The following TRPV1 variants were observed in gnomAD, a reference collection of about 807,000 sequenced individuals.
TRPV1 encodes the protein OTRPC1.
A neutral mutation model predicts 82.3 loss-of-function variants in TRPV1; 82 were observed. The ratio of observed to expected loss-of-function variants is 1.00; its 90% CI spans 0.83 to 1.20. TRPV1 has a LOEUF of 1.20. TRPV1 is among the 50% of genes most tolerant of loss of function. The pLI is 0.00. For missense variants in TRPV1, 1,067 were observed against 1,096.8 expected (o/e 0.97, Z 0.38); for synonymous variants, 515 against 467.7 (o/e 1.10, Z -1.30).
At chr17:3,576,870 A>G (rs1215045417) in intron 13 of TRPV1, among the ~76,000 whole-genome samples, 3 of 148,688 alleles carry the variant, frequency 2.0e-5, no homozygotes, top group African/African-American at 4.9e-5. Context: ...AAAAAAAAAA[A>G]GTTGAAAAAA....
intron 10 of TRPV1, among the ~76,000 whole-genome samples, chr17:3,582,171 A>T (rs224532): frequency 1.5e-5 from 2 of 131,420 alleles, no homozygotes; most frequent in Admixed American, 8.0e-5. Context: ...GCCTGGGCGA[A>T]AGAGTGAGAC....
intron 2 of TRPV1, among the ~76,000 whole-genome samples, chr17:3,604,071 T>C (rs575250124): frequency 6.6e-6 from 1 of 152,350 alleles, no homozygotes; most frequent in Admixed American, 6.5e-5. Flanking sequence ...CAACAAATGT[T>C]GAGCCGGGTC....
intron 3 of TRPV1, 95 bp from the exon 4 acceptor site, chr17:3,591,448 G>A: frequency 1.4e-6 from 2 of 1,430,182 alleles, no homozygotes; most frequent in African/African-American, 2.8e-5. Flanking sequence ...AAATCCCAAG[G>A]CAAACCAAAA....
intron 2 of TRPV1, among the ~76,000 whole-genome samples, chr17:3,606,244 G>T (rs1183532151): frequency 6.6e-6 from 1 of 152,216 alleles, no homozygotes; most frequent in Admixed American, 6.5e-5. Flanking sequence ...TTACAGGTGT[G>T]AGGCACTGCA....
chr17:3,602,928 C>A (rs536877515), intron 2 of TRPV1, among the ~76,000 whole-genome samples: 22 of 152,254 alleles, frequency 1.4e-4, no homozygotes, highest in African/African-American at 5.3e-4. Flanking sequence ...TCGAGACCAG[C>A]CTGGCCAACA....
chr17:3,605,062 C>T (rs2075288174), intron 2 of TRPV1, among the ~76,000 whole-genome samples: 1 of 152,180 alleles, frequency 6.6e-6, no homozygotes, highest in Non-Finnish European at 1.5e-5. Context: ...AATGTAAACA[C>T]ATTTACCTAG....
chr17:3,577,263 A>C (rs549533704), intron 12 of TRPV1, 71 bp from the exon 13 acceptor site: 15 of 1,503,182 alleles, frequency 1.0e-5, no homozygotes, highest in African/African-American at 2.8e-5. Context: ...GCCGGGCCGC[A>C]TCGGCCTGGG....
At chr17:3,583,673 A>G (rs224535) in intron 9 of TRPV1, among the ~76,000 whole-genome samples, 46,500 of 152,214 alleles carry the variant, frequency 0.31, 9,136 homozygotes, top group East Asian at 0.77. Flanking sequence ...CCGCCTCCCA[A>G]GCAATGTCCC....
At chr17:3,589,752 T>C in intron 7 of TRPV1, 55 bp downstream of exon 7, 3 of 1,556,178 alleles carry the variant, frequency 1.9e-6, no homozygotes, top group Admixed American at 1.8e-5. Context: ...CAGGCAGTCC[T>C]CTCCCATGCC....
At chr17:3,602,866 A>T (rs2075273448) in intron 2 of TRPV1, among the ~76,000 whole-genome samples, 1 of 152,336 alleles carries the variant, frequency 6.6e-6, no homozygotes, top group East Asian at 1.9e-4. Context: ...TCACGCCCGT[A>T]ATCCCAGCAC....
intron 2 of TRPV1, among the ~76,000 whole-genome samples, chr17:3,594,169 C>A (rs1259590898): frequency 4.6e-4 from 66 of 142,372 alleles, no homozygotes; most frequent in African/African-American, 1.9e-3. Context: ...GCAGCAGCAG[C>A]AGCAGCAGCA....
At chr17:3,597,298 G>A (rs1345304002) in intron 2 of TRPV1, among the ~76,000 whole-genome samples, 1 of 152,232 alleles carries the variant, frequency 6.6e-6, no homozygotes, top group African/African-American at 2.4e-5. Context: ...CTCAGGAAAG[G>A]AGGGCGCTGC....
At chr17:3,577,085 C>T (rs1012722023) in intron 13 of TRPV1, 41 bp downstream of exon 13, 29 of 1,555,602 alleles carry the variant, frequency 1.9e-5, no homozygotes, top group Non-Finnish European at 2.4e-5. Context: ...CTCAGCCAAG[C>T]AGGACCCCTG....
intron 16 of TRPV1, 97 bp from the exon 17 acceptor site, chr17:3,567,084 A>G: frequency 2.1e-6 from 3 of 1,400,812 alleles, no homozygotes; most frequent in Non-Finnish European, 2.9e-6. Flanking sequence ...CAAGACAGGC[A>G]CGATGGCTCA....
At chr17:3,581,495 G>C (rs2075009472) in intron 10 of TRPV1, among the ~76,000 whole-genome samples, 1 of 151,984 alleles carries the variant, frequency 6.6e-6, no homozygotes, top group Admixed American at 6.6e-5. Flanking sequence ...AGTTGTCTCT[G>C]TGAAGACGAA....
chr17:3,596,378 G>A (rs757624081), intron 2 of TRPV1, among the ~76,000 whole-genome samples: 11 of 152,178 alleles, frequency 7.2e-5, no homozygotes, highest in Admixed American at 1.3e-4. Context: ...CTGGGAGAAC[G>A]CTGGCCCAGG....
intron 2 of TRPV1, among the ~76,000 whole-genome samples, chr17:3,607,207 G>C (rs1195457638): frequency 6.6e-6 from 1 of 152,068 alleles, no homozygotes; most frequent in African/African-American, 2.4e-5. Context: ...AGCCAGGTGT[G>C]GTAGCACATG....
At chr17:3,580,109 G>A (rs932990212) in intron 11 of TRPV1, among the ~76,000 whole-genome samples, 2 of 130,152 alleles carry the variant, frequency 1.5e-5, no homozygotes, top group African/African-American at 6.1e-5. Flanking sequence ...ACAACCCCCC[G>A]TTAAAGATAG....
intron 2 of TRPV1, among the ~76,000 whole-genome samples, chr17:3,595,292 C>T (rs1042268281): frequency 9.0e-4 from 137 of 152,268 alleles, no homozygotes; most frequent in African/African-American, 3.1e-3. Context: ...AGTTATGGCA[C>T]GTCCCCGAGG....
Sources: allele counts gnomAD v4.1 joint callset (sites outside exome capture counted in the v4.1 genomes callset), GRCh38; gene constraint gnomAD v4.1.1; transcripts MANE v1.5; gene names NCBI Gene and HGNC (gene_info 2026-07-23, HGNC 2026-07-21).